The following FGF6 variants were observed in gnomAD, a reference collection of about 807,000 sequenced individuals.
FGF6 encodes fibroblast growth factor 6, also known as FGF-6.
In FGF6, 14 loss-of-function variants were observed where a neutral mutation model predicts 18.4. The observed-to-expected ratio is 0.76, with a 90% CI of 0.50 to 1.19. The LOEUF is 1.19. FGF6 is among the 50% of genes most tolerant of loss of function. The pLI is 0.00. For synonymous variants in FGF6, 125 were observed against 116.7 expected, an observed-to-expected ratio of 1.07 and a Z score of -0.46; for missense variants, 266 against 271.6, an observed-to-expected ratio of 0.98 and a Z score of 0.15.
chr12:4,444,688 C>A (rs1368825236), intron 1 of FGF6, among the ~76,000 whole-genome samples: 2 of 152,184 alleles, frequency 1.3e-5, no homozygotes, highest in African/African-American at 4.8e-5. Context: ...GATCCTGCAG[C>A]CCCCATCCTT....
chr12:4,440,834 C>T (rs931041072), intron 2 of FGF6, among the ~76,000 whole-genome samples: 1 of 152,208 alleles, frequency 6.6e-6, no homozygotes, highest in Non-Finnish European at 1.5e-5. Flanking sequence ...CTGTTTTCTG[C>T]TACAGTGGCA....
intron 2 of FGF6, among the ~76,000 whole-genome samples, chr12:4,443,478 C>T (rs898484010): frequency 2.6e-5 from 4 of 152,156 alleles, no homozygotes; most frequent in South Asian, 2.1e-4. Flanking sequence ...CAGAGGTTTT[C>T]GTCAATGTGC....
chr12:4,435,127 A>G (rs1287095878), intron 2 of FGF6, among the ~76,000 whole-genome samples: 3 of 152,026 alleles, frequency 2.0e-5, no homozygotes, highest in Non-Finnish European at 2.9e-5. Context: ...GAGGTCTGGT[A>G]CCTCCTAGAC....
rs1226488676 is a variant in FGF6 at position 4,444,188 on chromosome 12, C to T, written c.395G>A (p.Gly132Glu). ...GGCAACGAAGAGGGCACTTCTCACT[C>T]CAAAGAGACTCACCACGCCTCGCTC... is the stretch of plus-strand genomic sequence containing the variant. ...TVERGVVSLF[G>E]VRSALFVAMN... The change falls in exon 2 of 3, where the codon GGA (glycine) becomes GAA (glutamate). Residue 132 changes from glycine to glutamate, a missense_variant. By Grantham distance (98) the Gly-to-Glu change is moderately conservative. Transcript: ENST00000228837. 6.2e-7 allele frequency: 1 copy of T among 1,614,012 alleles called. No homozygotes were observed. Among genetic ancestry groups the T allele is most frequent in the South Asian group, 1.1e-5 (1 of 91,046 alleles).
intron 2 of FGF6, among the ~76,000 whole-genome samples, chr12:4,439,404 T>C (rs1424357182): frequency 6.6e-6 from 1 of 152,046 alleles, no homozygotes; most frequent in East Asian, 1.9e-4. Context: ...CAAGCTCTAG[T>C]GAGGAAATGA....
chr12:4,445,424 C>T lies in FGF6; in HGVS notation c.147G>A (p.Leu49=), dbSNP rs755596164. The part of the protein sequence containing the change: ...PAGTRANNTL[L]DSRGWGTLLS... ...GCAGGGTGCCCCAGCCCCTCGAGTC[C>T]AGCAGCGTGTTGTTGGCACGGGTGC... Residue 49 remains leucine, a synonymous_variant, in exon 1 of 3, where the codon CTG becomes CTA. Coordinates refer to ENST00000228837, the MANE Select transcript of FGF6 (RefSeq NM_020996.3). This position sits in a 1 kb window ranked among gnomAD's most constrained non-coding sequence, Gnocchi z 5.5. 17 of 1,613,360 alleles carry T rather than the reference C, an allele frequency of 1.1e-5. No individual in the cohort carries two copies. The African/African-American group carries it at 1.3e-4, about 13-fold the overall frequency.
intron 1 of FGF6, 102 bp from the exon 2 acceptor site, chr12:4,444,338 G>T: frequency 1.3e-6 from 1 of 758,572 alleles, no homozygotes. Context: ...CTCCTAGAAA[G>T]CCAGACTCTC....
rs921822059 is a variant in FGF6, at chr12:4,445,566, G to A, written c.5C>T (p.Ala2Val). MALGQKLFITMS... is the reference protein window; with the variant it reads MVLGQKLFITMS... Reference sequence around the variant, plus strand: ...AGTGATGAACAGTTTCTGTCCCAGGGCCATCCACCTTGCCTCTCAGGCACG... The same window carrying A: ...AGTGATGAACAGTTTCTGTCCCAGGACCATCCACCTTGCCTCTCAGGCACG... Residue 2 changes from alanine to valine, a missense_variant, in exon 1 of 3, where the codon GCC becomes GTC. Coordinates refer to ENST00000228837, the MANE Select transcript of FGF6 (RefSeq NM_020996.3). The surrounding 1 kb of genome is among the most constrained non-coding windows in gnomAD (Gnocchi z 5.5). 5 of 1,581,254 alleles carry A rather than the reference G, an allele frequency of 3.2e-6. No homozygotes were observed. Among genetic ancestry groups the A allele is most frequent in the African/African-American group, 2.7e-5 (2 of 74,390 alleles).
At chr12:4,435,694 G>T (rs1271834748) in intron 2 of FGF6, among the ~76,000 whole-genome samples, 2 of 152,204 alleles carry the variant, frequency 1.3e-5, no homozygotes, top group African/African-American at 2.4e-5. Context: ...TGTAGAGTGT[G>T]TGTGGACCAC....
chr12:4,437,872 G>GT (rs1301255720), intron 2 of FGF6, among the ~76,000 whole-genome samples: 4 of 151,200 alleles, frequency 2.6e-5, no homozygotes, highest in East Asian at 1.9e-4. Flanking sequence ...TCCAGAAAAA[G>GT]TTTTTTTTAA....
chr12:4,434,516 A>G lies in FGF6; in HGVS notation c.451-125T>C, dbSNP rs1361322450. 3 of 843,328 alleles carry G rather than the reference A, an allele frequency of 3.6e-6. No individual in the cohort carries two copies. In the African/African-American group the frequency reaches 5.1e-5, roughly 14 times the overall value. The allele number at this position is 843,328 out of a possible 1,614,324, so 52.2% of individuals were successfully genotyped here. A position where few individuals can be genotyped will look rare whatever the true frequency, so the allele number is the denominator to read the frequency against. ...CTTCCCTTCTCTTTGTGAGACAACC[A>G]CCGTGAGGTCTGAGCATCCTGGGTG... On this transcript the variant is annotated intron_variant, in intron 2 of 2. Transcript: ENST00000228837.
At chr12:4,443,622 G>A (rs777374701) in intron 2 of FGF6, among the ~76,000 whole-genome samples, 11 of 152,300 alleles carry the variant, frequency 7.2e-5, no homozygotes, top group Non-Finnish European at 1.0e-4. Flanking sequence ...TCTAGCGTAC[G>A]TGATCGGAGA....
intron 2 of FGF6, among the ~76,000 whole-genome samples, chr12:4,439,117 C>T (rs755301289): frequency 2.0e-5 from 3 of 152,074 alleles, no homozygotes; most frequent in African/African-American, 4.8e-5. Flanking sequence ...ACTTTTTTCT[C>T]CTTAAAACAT....
intron 2 of FGF6, among the ~76,000 whole-genome samples, chr12:4,438,544 C>T (rs748630442): frequency 1.3e-5 from 2 of 151,940 alleles, no homozygotes; most frequent in South Asian, 2.1e-4. Flanking sequence ...GGGTGGATCA[C>T]GAGGTCAGGA....
At position 4,445,487 on chromosome 12, in the gene FGF6, T is replaced by C. The variant is rs951604071; in HGVS notation, c.84A>G (p.Leu28=). The change falls in exon 1 of 3, where the codon CTA becomes CTG. Residue 28 remains leucine (L), a synonymous_variant. Coordinates refer to ENST00000228837, the MANE Select transcript of FGF6 (RefSeq NM_020996.3). The surrounding 1 kb of genome is among the most constrained non-coding windows in gnomAD (Gnocchi z 5.5). The part of the protein sequence containing the change: ...LQGTLWALVF[L]GILVGMVVPS... ...GCACCACCATGCCCACTAGGATGCC[T>C]AGGAAGACGAGAGCCCACAGCGTGC... The C allele has an allele frequency of 1.9e-6, 3 of 1,612,990 alleles. No individual in the cohort carries two copies. In the African/African-American group the frequency reaches 4.0e-5, roughly 22 times the overall value.
At chr12:4,439,601 T>C (rs1039777356) in intron 2 of FGF6, among the ~76,000 whole-genome samples, 1 of 152,196 alleles carries the variant, frequency 6.6e-6, no homozygotes, top group Non-Finnish European at 1.5e-5. Context: ...GATTGTACTT[T>C]GCTTCTCTGG....
intron 2 of FGF6, among the ~76,000 whole-genome samples, chr12:4,441,476 G>A (rs1157793101): frequency 6.6e-6 from 1 of 152,172 alleles, no homozygotes; most frequent in Non-Finnish European, 1.5e-5. Context: ...TGCAGCCTGT[G>A]AATCCGAGCA....
rs138991329 is a variant in FGF6 at position 4,444,139 on chromosome 12, G to C, written c.444C>G (p.Tyr148Ter). ...CCCGGCCTGGTGAACTCACCGTTGC[G>C]TACAATCTTCCTTTACTGTTCATGG... ...FVAMNSKGRL[Y>*]ATPSFQEECK... The change falls in exon 2 of 3, where the codon TAC becomes TAG. Residue 148 changes from tyrosine (Y) to a stop codon, truncating the protein, a stop_gained. Coordinates refer to ENST00000228837, the MANE Select transcript of FGF6 (RefSeq NM_020996.3). LOFTEE classifies it high-confidence loss of function. 4 of 1,609,398 alleles carry C rather than the reference G, an allele frequency of 2.5e-6. No homozygotes were observed. The highest frequency in any genetic ancestry group is 3.4e-6 in the Non-Finnish European group (4 of 1,175,964).
chr12:4,440,929 A>G (rs1865682865), intron 2 of FGF6, among the ~76,000 whole-genome samples: 1 of 152,112 alleles, frequency 6.6e-6, no homozygotes. Context: ...GCAATGCCCC[A>G]GATAATAATG....
Sources: gnomAD v4.1 joint callset for allele counts (sites outside exome capture counted in the v4.1 genomes callset) on GRCh38, gnomAD v4.1.1 for gene constraint, Gnocchi (gnomAD v3.1) non-coding constraint, MANE v1.5 for transcripts, NCBI Gene and HGNC (gene_info 2026-07-23, HGNC 2026-07-21) for gene names.